The following TOP2A variants were observed in gnomAD, a reference collection of about 807,000 sequenced individuals.
The protein encoded by TOP2A is DNA topoisomerase II alpha.
In TOP2A, 68 loss-of-function variants were observed where a neutral mutation model predicts 187.2. That is an observed-to-expected ratio of 0.36 (90% CI 0.30 to 0.44). The LOEUF (loss-of-function observed/expected upper bound fraction) is 0.44, where lower values mean the gene tolerates loss of function less well. Ranked by LOEUF, TOP2A falls within the 20% of genes least tolerant of loss-of-function variation. The probability of loss-of-function intolerance (pLI) is 1.00; values close to 1 mark genes in which losing one functional copy is unlikely to be tolerated. For missense variants in TOP2A, 1,196 were observed against 1,808.7 expected, an observed-to-expected ratio of 0.66 and a Z score of 6.14; for synonymous variants, 542 against 593.2, an observed-to-expected ratio of 0.91 and a Z score of 1.25.
Position 40,417,759 on chromosome 17 carries a change from C to G in TOP2A, c.21+12G>C, listed in dbSNP as rs756563189. ...CGGAGGCTCCACCGCCAGTCCCCCCCGCGAGCCGTACCTGCAATGGTGACA... is the reference window on the plus strand; with the variant it reads ...CGGAGGCTCCACCGCCAGTCCCCCCGGCGAGCCGTACCTGCAATGGTGACA... On this transcript the variant is annotated intron_variant, in intron 1 of 34. Transcript: ENST00000423485. 3.7e-6 allele frequency: 6 copies of G among 1,612,486 alleles called. No individual in the cohort carries two copies. Among genetic ancestry groups the G allele is most frequent in the South Asian group, 2.2e-5 (2 of 91,040 alleles).
rs1189872436 is a variant in TOP2A, at chr17:40,399,134, A to G, written c.3197-3T>C. On this transcript the variant is annotated splice_region_variant and splice_polypyrimidine_tract_variant and intron_variant, in intron 24 of 34. Transcript: ENST00000423485. ...TAATTCTTTCTTAGGCTTATTTTCT[A>G]TTTTTAAAAAAGTAAACAGAGATAA... The G allele has an allele frequency of 6.5e-6, 10 of 1,528,942 alleles. No homozygotes were observed. The highest frequency in any genetic ancestry group is 8.0e-6 in the Non-Finnish European group (9 of 1,126,630). 94.7% of individuals were successfully genotyped at this position (1,528,942 alleles called of 1,614,324 possible).
At chr17:40,408,353 A>C (rs1339251996) in intron 11 of TOP2A, 139 bp downstream of exon 11, 2 of 974,732 alleles carry the variant, frequency 2.1e-6, no homozygotes, top group Non-Finnish European at 2.9e-6. Context: ...CATAATAGGA[A>C]ACGGGCCGAT....
intron 19 of TOP2A, among the ~76,000 whole-genome samples, chr17:40,403,870 T>A (rs987595442): frequency 6.6e-6 from 1 of 152,236 alleles, no homozygotes; most frequent in Non-Finnish European, 1.5e-5. Flanking sequence ...CAATTTATTA[T>A]AACAATTTTC....
chr17:40,411,958 G>A lies in TOP2A; in HGVS notation c.790-140C>T. On this transcript the variant is annotated intron_variant, in intron 7 of 34. Coordinates refer to ENST00000423485, the MANE Select transcript of TOP2A (RefSeq NM_001067.4). The surrounding 1 kb of genome is among the most constrained non-coding windows in gnomAD (Gnocchi z 4.4). The stretch of plus-strand genomic sequence containing the variant: ...GAATGGTCATTAAAGGACACAGGCC[G>A]AGGTGGGTGGATCACTTGAGCCCAG... The A allele has an allele frequency of 1.5e-6, 1 of 665,786 alleles. No individual in the cohort carries two copies. Among genetic ancestry groups the A allele is most frequent in the Non-Finnish European group, 2.4e-6 (1 of 419,676 alleles). The allele number at this position is 665,786 out of a possible 1,614,324, so 41.2% of individuals were successfully genotyped here.
intron 29 of TOP2A, among the ~76,000 whole-genome samples, chr17:40,394,213 G>T (rs1283939409): frequency 6.9e-6 from 1 of 144,106 alleles, no homozygotes; most frequent in South Asian, 2.1e-4. Context: ...ATTTTTTAGT[G>T]GTCACCCAGT....
chr17:40,396,135 A>G (rs2035095029), intron 28 of TOP2A, 148 bp downstream of exon 28: 1 of 506,378 alleles, frequency 2.0e-6, no homozygotes. Flanking sequence ...GCCTGCCACC[A>G]TGCCCGCCTA....
intron 4 of TOP2A, among the ~76,000 whole-genome samples, chr17:40,414,335 C>G (rs1239857210): frequency 6.6e-6 from 1 of 152,088 alleles, no homozygotes; most frequent in Non-Finnish European, 1.5e-5. Flanking sequence ...ATAGCTGGGA[C>G]TACAGGTGTC....
In TOP2A at chr17:40,401,988, G is replaced by A. The variant is rs559505901; in HGVS notation, c.2433-907C>T. On this transcript the variant is annotated intron_variant, in intron 20 of 34. Coordinates refer to ENST00000423485, the MANE Select transcript of TOP2A (RefSeq NM_001067.4). ...GAGCAGTTGAAGGTTCTGAATCAGA[G>A]TGACTTATTTTTTAAAAAATAATTG... Among the ~76,000 whole-genome samples the A allele has an allele frequency of 2.0e-5, 3 of 152,312 alleles. No individual in the cohort carries two copies. In the South Asian group the frequency reaches 6.2e-4, roughly 32 times the overall value.
chr17:40,407,756 T>C, intron 12 of TOP2A, 82 bp from the exon 13 acceptor site: 1 of 1,374,122 alleles, frequency 7.3e-7, no homozygotes, highest in South Asian at 1.4e-5. Flanking sequence ...GTTGCTTGGA[T>C]TTTCTTGAGC....
intron 32 of TOP2A, 83 bp from the exon 33 acceptor site, chr17:40,391,723 C>A: frequency 7.7e-7 from 1 of 1,298,796 alleles, no homozygotes; most frequent in South Asian, 1.7e-5. Flanking sequence ...GGTATGAATT[C>A]CTATTTAAAC....
intron 10 of TOP2A, chr17:40,410,075 GAGACTCTGCCTAAAAAAAA>G (rs536917017): frequency 0.015 from 2,417 of 161,370 alleles, 29 homozygotes; most frequent in Non-Finnish European, 0.023. Context: ...GCGACAGAGC[GAGACTCTGCCTAAAAAAAA>G]AGACAGAAAT....
Position 40,407,969 on chromosome 17 carries a change from G to A in TOP2A, c.1498C>T (p.Gln500Ter). The A allele has an allele frequency of 6.2e-7, 1 of 1,611,528 alleles. No homozygotes were observed. Among genetic ancestry groups the A allele is most frequent in the Non-Finnish European group, 8.5e-7 (1 of 1,178,672 alleles). ...CTGAAGATCGTCTTATATTCTACCT[G>A]CTTATGAGAAGCTTCTCGAACATTG... ...ILNVREASHK[Q>*]IMENAEINNI... The change falls in exon 12 of 35, where the codon CAG (glutamine) becomes TAG (stop). Residue 500 changes from glutamine (Q) to a stop codon, truncating the protein, a stop_gained and splice_region_variant. Coordinates refer to ENST00000423485, the MANE Select transcript of TOP2A (RefSeq NM_001067.4). LOFTEE classifies it high-confidence loss of function.
At chr17:40,390,234 G>A in intron 33 of TOP2A, 70 bp from the exon 34 acceptor site, 3 of 1,410,308 alleles carry the variant, frequency 2.1e-6, no homozygotes, top group Non-Finnish European at 2.9e-6. Flanking sequence ...TATCGTCCAG[G>A]CTGGAGTGCA....
intron 4 of TOP2A, among the ~76,000 whole-genome samples, chr17:40,413,955 C>A (rs1478824274): frequency 6.6e-6 from 1 of 151,984 alleles, no homozygotes; most frequent in Non-Finnish European, 1.5e-5. Flanking sequence ...CCATACCCAG[C>A]CCTCAATTTT....
intron 3 of TOP2A, 148 bp from the exon 4 acceptor site, chr17:40,416,216 C>T (rs952276021): frequency 1.3e-6 from 1 of 768,490 alleles, no homozygotes. Context: ...GTCCATAGTA[C>T]TGTTTCTACG....
intron 3 of TOP2A, 143 bp downstream of exon 3, chr17:40,416,279 T>C: frequency 2.8e-6 from 2 of 716,846 alleles, no homozygotes; most frequent in Non-Finnish European, 4.6e-6. Context: ...ATCAACTGAT[T>C]GAAATGACAG....
In TOP2A at chr17:40,398,540, G is replaced by T; in HGVS notation, c.3537+18C>A. 5 of 1,541,064 alleles carry T rather than the reference G, an allele frequency of 3.2e-6. No homozygotes were observed. Among genetic ancestry groups the T allele is most frequent in the Non-Finnish European group, 4.4e-6 (5 of 1,137,690 alleles). On this transcript the variant is annotated intron_variant, in intron 27 of 34. Coordinates refer to ENST00000423485, the MANE Select transcript of TOP2A (RefSeq NM_001067.4). ...TTCATTAATAAAAATTCTAACATGG[G>T]CATTATAAACTACATACCTCCAATT...
At chr17:40,391,468 A>G (rs767210277) in intron 33 of TOP2A, 38 bp downstream of exon 33, 1 of 1,578,788 alleles carries the variant, frequency 6.3e-7, no homozygotes, top group Non-Finnish European at 8.6e-7. Flanking sequence ...CCAGTTAGGT[A>G]ATTGCAACAT....
intron 29 of TOP2A, 134 bp downstream of exon 29, chr17:40,395,315 T>C: frequency 8.1e-6 from 3 of 369,488 alleles, no homozygotes. Context: ...GAGGTCCAAG[T>C]AGAATTGAGA....
Sources: allele counts gnomAD v4.1 joint callset (sites outside exome capture counted in the v4.1 genomes callset), GRCh38; gene constraint gnomAD v4.1.1; non-coding constraint Gnocchi (gnomAD v3.1); transcripts MANE v1.5; gene names NCBI Gene and HGNC (gene_info 2026-07-23, HGNC 2026-07-21).